The following ZNF248 variants were observed in gnomAD, a reference collection of about 807,000 sequenced individuals.
ZNF248 encodes the protein zinc finger protein 248, also known as KRAB protein domain.
In ZNF248, 20 loss-of-function variants were observed where a neutral mutation model predicts 44.3. The ratio of observed to expected loss-of-function variants is 0.45; its 90% CI spans 0.32 to 0.66. ZNF248 has a LOEUF of 0.66. Among genes scored for constraint, ZNF248 ranks in the 30% least tolerant of loss-of-function variants. ZNF248 has a pLI of 0.04. For synonymous variants in ZNF248, 224 were observed against 229.0 expected (o/e 0.98, Z 0.20); for missense variants, 654 against 677.0 (o/e 0.97, Z 0.38).
At chr10:37,846,361 C>T (rs554630841) in intron 3 of ZNF248, among the ~76,000 whole-genome samples, 26 of 152,244 alleles carry the variant, frequency 1.7e-4, no homozygotes, top group African/African-American at 5.1e-4. Flanking sequence ...AAGCCAGGTG[C>T]GGTGGCTCAT....
intron 3 of ZNF248, among the ~76,000 whole-genome samples, chr10:37,838,644 T>G (rs534747735): frequency 6.6e-6 from 1 of 152,200 alleles, no homozygotes; most frequent in East Asian, 1.9e-4. Context: ...TGAGATCATC[T>G]TCTGGAGCTT....
intron 6 of ZNF248, among the ~76,000 whole-genome samples, chr10:37,781,149 T>C (rs2047271166): frequency 6.6e-6 from 1 of 152,186 alleles, no homozygotes; most frequent in South Asian, 2.1e-4. Context: ...GACTACCATG[T>C]CCTGTGTGAT....
In ZNF248 at chr10:37,785,169, T is replaced by C. The variant is rs910235476; in HGVS notation, c.331-8594A>G. Reference sequence around the variant, plus strand: ...AATGGCACTGAAGTTCTCAGTGGTATAACATAACACTGTGTGGGGTTCTGA... The same window carrying C: ...AATGGCACTGAAGTTCTCAGTGGTACAACATAACACTGTGTGGGGTTCTGA... On this transcript the variant is annotated intron_variant, in intron 6 of 6. Transcript: ENST00000615949. Among the ~76,000 whole-genome samples the C allele has an allele frequency of 2.0e-5, 3 of 152,164 alleles. No individual in the cohort carries two copies. In the South Asian group the frequency reaches 6.2e-4, roughly 32 times the overall value.
the ZNF248 span, among the ~76,000 whole-genome samples, chr10:37,761,232 G>T: frequency 6.6e-6 from 1 of 152,206 alleles, no homozygotes. Context: ...TGGAATAAAT[G>T]TTGAGCCAGA....
intron 3 of ZNF248, among the ~76,000 whole-genome samples, chr10:37,852,129 C>A (rs1047034224): frequency 6.6e-6 from 1 of 151,996 alleles, no homozygotes. Flanking sequence ...TGCCTGTAAT[C>A]CCAGCTACTC....
rs538796046 is a variant in ZNF248 at position 37,854,376 on chromosome 10, A to G, written c.15+1920T>C. The stretch of plus-strand genomic sequence containing the variant: ...ACAAGGGTAAAAGACACTGGGGGGG[A>G]AAAAAGACCAGACAACCCAAAAGAA... On this transcript the variant is annotated intron_variant, in intron 3 of 5. Coordinates refer to ENST00000395867, the MANE Select transcript of ZNF248 (RefSeq NM_021045.3). 5.2e-4 allele frequency among the ~76,000 whole-genome samples: 79 copies of G among 152,256 alleles called. 1 individual carries two copies. The East Asian group carries it at 0.013, about 25-fold the overall frequency.
the ZNF248 span, among the ~76,000 whole-genome samples, chr10:37,765,149 G>T: frequency 1.3e-5 from 2 of 151,992 alleles, no homozygotes; most frequent in African/African-American, 2.4e-5. Flanking sequence ...TAGAGACAGG[G>T]TTTCTCCATG....
chr10:37,810,192 A>G (rs1490279146), intron 6 of ZNF248, among the ~76,000 whole-genome samples: 1 of 152,230 alleles, frequency 6.6e-6, no homozygotes, highest in African/African-American at 2.4e-5. Flanking sequence ...TGTTAAATCA[A>G]GTTGGCTTAT....
the ZNF248 span, among the ~76,000 whole-genome samples, chr10:37,770,368 A>C: frequency 1.3e-5 from 2 of 152,240 alleles, no homozygotes; most frequent in African/African-American, 2.4e-5. Flanking sequence ...ACCTGACTTC[A>C]AACTATACTA....
chr10:37,788,507 G>C (rs1429294813), intron 6 of ZNF248, among the ~76,000 whole-genome samples: 1 of 152,018 alleles, frequency 6.6e-6, no homozygotes, highest in Non-Finnish European at 1.5e-5. Context: ...TGTAATCCTA[G>C]CTACTCAGGA....
intron 3 of ZNF248, among the ~76,000 whole-genome samples, chr10:37,846,368 T>A (rs2059316965): frequency 1.3e-5 from 2 of 152,184 alleles, no homozygotes; most frequent in South Asian, 4.1e-4. Context: ...GTGCGGTGGC[T>A]CATTCCTGCA....
downstream of ZNF248, among the ~76,000 whole-genome samples, chr10:37,824,848 A>ATTTTT (rs36011714): frequency 8.7e-6 from 1 of 115,222 alleles, no homozygotes; most frequent in Non-Finnish European, 1.8e-5. Context: ...CACCCAGCTG[A>ATTTTT]TTTTTTTTTT....
chr10:37,831,338 T>C lies in ZNF248; in HGVS notation c.*277A>G, dbSNP rs1200548943. On this transcript the variant is annotated 3_prime_UTR_variant, in exon 6 of 6. Coordinates refer to ENST00000395867, the MANE Select transcript of ZNF248 (RefSeq NM_021045.3). ...CTGTGAATATGGGTATAAATAAATA[T>C]TGTCCATTATATTTGCAACAAAATT... is the stretch of plus-strand genomic sequence containing the variant. The C allele has an allele frequency of 6.5e-7, 1 of 1,548,556 alleles. No individual in the cohort carries two copies. The highest frequency in any genetic ancestry group is 1.2e-5 in the South Asian group (1 of 83,676).
intron 6 of ZNF248, among the ~76,000 whole-genome samples, chr10:37,790,749 T>TA (rs1564471908): frequency 1.3e-5 from 2 of 148,794 alleles, no homozygotes; most frequent in African/African-American, 4.9e-5. Flanking sequence ...TTTAAAAAAA[T>TA]AAAAATAAAA....
At chr10:37,793,807 A>G (rs1467869156) in intron 6 of ZNF248, among the ~76,000 whole-genome samples, 1 of 152,226 alleles carries the variant, frequency 6.6e-6, no homozygotes, top group Non-Finnish European at 1.5e-5. Context: ...ACATATACAT[A>G]TAAGAATGTT....
intron 3 of ZNF248, among the ~76,000 whole-genome samples, chr10:37,849,635 G>A (rs920358842): frequency 8.6e-5 from 13 of 151,586 alleles, no homozygotes; most frequent in Admixed American, 7.9e-4. Context: ...TGCAATGAAC[G>A]GAGAGCACAC....
At chr10:37,849,371 G>A (rs1207322162) in intron 3 of ZNF248, among the ~76,000 whole-genome samples, 1 of 151,940 alleles carries the variant, frequency 6.6e-6, no homozygotes, top group Admixed American at 6.6e-5. Flanking sequence ...CACAAATGGT[G>A]AAAAATTTTT....
At chr10:37,764,368 T>C in the ZNF248 span, among the ~76,000 whole-genome samples, 2 of 152,188 alleles carry the variant, frequency 1.3e-5, no homozygotes, top group Admixed American at 6.5e-5. Context: ...CCTGATAAGA[T>C]GTTATCAATG....
intron 6 of ZNF248, among the ~76,000 whole-genome samples, chr10:37,807,679 T>C (rs1333613284): frequency 6.6e-6 from 1 of 152,226 alleles, no homozygotes; most frequent in South Asian, 2.1e-4. Context: ...AATTGTTTTC[T>C]GAATTTCCTT....
Sources: gnomAD v4.1 joint callset for allele counts (sites outside exome capture counted in the v4.1 genomes callset) on GRCh38, gnomAD v4.1.1 for gene constraint, MANE v1.5 for transcripts, NCBI Gene and HGNC (gene_info 2026-07-23, HGNC 2026-07-21) for gene names.